DCPS: variants seen among roughly 807,000 people sequenced by gnomAD.
The protein encoded by DCPS is decapping enzyme, scavenger.
In DCPS, 27 loss-of-function variants were observed where a neutral mutation model predicts 34.7. The ratio of observed to expected loss-of-function variants is 0.78; its 90% CI spans 0.57 to 1.07. The LOEUF (loss-of-function observed/expected upper bound fraction) is 1.07, where lower values mean the gene tolerates loss of function less well. Among genes scored for constraint, DCPS ranks in the 50% least tolerant of loss-of-function variants. The pLI, the probability that DCPS is intolerant of heterozygous loss-of-function variation, is 0.00. For missense variants in DCPS, 464 were observed against 436.9 expected (o/e 1.06, Z -0.55); for synonymous variants, 185 against 185.7 (o/e 1.00, Z 0.03).
In DCPS at chr11:126,348,188, G is replaced by A. The variant is rs1951954924; in HGVS notation, c.*2575G>A. On this transcript the variant is annotated 3_prime_UTR_variant, in exon 6 of 6. Transcript: ENST00000263579. This position sits in a 1 kb window ranked among gnomAD's most constrained non-coding sequence, Gnocchi z 5.3. ...GAGGGCAGGCACTCAGGTCTGGAGAGGCAGGGCATGGAGACAGGGACCCAC... is the reference window on the plus strand; with the variant it reads ...GAGGGCAGGCACTCAGGTCTGGAGAAGCAGGGCATGGAGACAGGGACCCAC... Among the ~76,000 whole-genome samples the A allele has an allele frequency of 6.6e-6, 1 of 152,210 alleles. No homozygotes were observed. The highest frequency in any genetic ancestry group is 1.5e-5 in the Non-Finnish European group (1 of 68,046).
rs1326093772 is a variant in DCPS at position 126,338,283 on chromosome 11, C to G, written c.523-3C>G. ...TGAACCATCTCTCTCCCCCTCCTTT[C>G]AGTGGGTGTATAACATTCTCGACAA... On this transcript the variant is annotated splice_polypyrimidine_tract_variant and splice_region_variant and intron_variant, in intron 3 of 5. Transcript: ENST00000263579. The surrounding 1 kb of genome is among the most constrained non-coding windows in gnomAD (Gnocchi z 5.4). 1.2e-6 allele frequency: 2 copies of G among 1,613,794 alleles called. No homozygotes were observed. Among genetic ancestry groups the G allele is most frequent in the African/African-American group, 2.7e-5 (2 of 74,920 alleles).
chr11:126,328,036 G>C lies in DCPS; in HGVS notation c.377-3369G>C, dbSNP rs1375830278. Reference sequence around the variant, plus strand: ...CTCAGAGCAGAGGCCTGGATGAAGCGAGGAGCAGCGTGGCTCGTTGGGTAG... The same window carrying C: ...CTCAGAGCAGAGGCCTGGATGAAGCCAGGAGCAGCGTGGCTCGTTGGGTAG... On this transcript the variant is annotated intron_variant, in intron 2 of 5. Coordinates refer to ENST00000263579, the MANE Select transcript of DCPS (RefSeq NM_014026.6). The surrounding 1 kb of genome is among the most constrained non-coding windows in gnomAD (Gnocchi z 6.6). 6.6e-6 allele frequency among the ~76,000 whole-genome samples: 1 copy of C among 152,246 alleles called. No individual in the cohort carries two copies. The highest frequency in any genetic ancestry group is 1.5e-5 in the Non-Finnish European group (1 of 68,050).
In DCPS at chr11:126,323,437, G is replaced by T. The variant is rs1445865329; in HGVS notation, c.377-7968G>T. Reference sequence around the variant, plus strand: ...CTGATGCATGTATTTTTCAAAGCAGGTGTACTTTAATGGTTAAAAAAATAC... The same window carrying T: ...CTGATGCATGTATTTTTCAAAGCAGTTGTACTTTAATGGTTAAAAAAATAC... On this transcript the variant is annotated intron_variant, in intron 2 of 5. Transcript: ENST00000263579. This position sits in a 1 kb window ranked among gnomAD's most constrained non-coding sequence, Gnocchi z 4.4. 6.6e-6 allele frequency among the ~76,000 whole-genome samples: 1 copy of T among 152,090 alleles called. No homozygotes were observed. Among genetic ancestry groups the T allele is most frequent in the African/African-American group, 2.4e-5 (1 of 41,408 alleles).
In DCPS at chr11:126,328,396, G is replaced by C. The variant is rs1453202767; in HGVS notation, c.377-3009G>C. Reference sequence around the variant, plus strand: ...TAGGGGGACGTGGGGAGCTCTGAGAGTCCTGCAGTCAGGTTCCCATCCCTG... The same window carrying C: ...TAGGGGGACGTGGGGAGCTCTGAGACTCCTGCAGTCAGGTTCCCATCCCTG... On this transcript the variant is annotated intron_variant, in intron 2 of 5. Coordinates refer to ENST00000263579, the MANE Select transcript of DCPS (RefSeq NM_014026.6). This position sits in a 1 kb window ranked among gnomAD's most constrained non-coding sequence, Gnocchi z 6.6. Among the ~76,000 whole-genome samples the C allele has an allele frequency of 1.3e-5, 2 of 152,168 alleles. No individual in the cohort carries two copies. The highest frequency in any genetic ancestry group is 2.4e-5 in the African/African-American group (1 of 41,436).
intron 2 of DCPS, among the ~76,000 whole-genome samples, chr11:126,316,828 G>A (rs1450302339): frequency 6.6e-6 from 1 of 151,048 alleles, no homozygotes; most frequent in African/African-American, 2.4e-5. Context: ...CTAATTTTTT[G>A]TATTTTTAGT....
chr11:126,337,317 AGTTCACTGTCCTGCATGAGTTCAT>A lies in DCPS; in HGVS notation c.523-965_523-942del, dbSNP rs1014298354. 6.6e-6 allele frequency: 1 copy of A among 152,342 alleles called. No homozygotes were observed. Among genetic ancestry groups the A allele is most frequent in the Admixed American group, 6.5e-5 (1 of 15,282 alleles). The allele number at this position is 152,342 out of a possible 1,614,324, so 9.4% of individuals were successfully genotyped here. A position where few individuals can be genotyped will look rare whatever the true frequency, so the allele number is the denominator to read the frequency against. ...GGTCTCTCCCCCAGATGTAGGGCAG[AGTTCACTGTCCTGCATGAGTTCAT>A]GTTTGCAAAGGGCCCTGAGAGCCGG... is the stretch of plus-strand genomic sequence containing the variant. On this transcript the variant is annotated intron_variant, in intron 3 of 5. Transcript: ENST00000263579. This position sits in a 1 kb window ranked among gnomAD's most constrained non-coding sequence, Gnocchi z 5.3.
rs142869316 is a variant in DCPS, at chr11:126,343,366, C to T, written c.696C>T (p.Asp232=). The change falls in exon 5 of 6, where the codon GAC becomes GAT. Residue 232 remains aspartate (D), a synonymous_variant. Transcript: ENST00000263579. ...CHRRGIRSLR[D]LTPEHLPLLR... ...GCCGGGGCATCAGATCCCTACGCGA[C>T]CTTACTCCGGAGCACTTGCCGCTGC... is the stretch of plus-strand genomic sequence containing the variant. The T allele has an allele frequency of 6.2e-7, 1 of 1,614,034 alleles. No individual in the cohort carries two copies. The highest frequency in any genetic ancestry group is 8.5e-7 in the Non-Finnish European group (1 of 1,179,976).
In DCPS at chr11:126,348,935, G is replaced by A. The variant is rs1374499514; in HGVS notation, c.*3322G>A. On this transcript the variant is annotated 3_prime_UTR_variant, in exon 6 of 6. Transcript: ENST00000263579. This position sits in a 1 kb window ranked among gnomAD's most constrained non-coding sequence, Gnocchi z 5.3. ...TCTTGTCCAGCATTATGGAGTGAACGTCAGCTCCAGGAAGCAGAGACTTCT... is the reference window on the plus strand; with the variant it reads ...TCTTGTCCAGCATTATGGAGTGAACATCAGCTCCAGGAAGCAGAGACTTCT... 2.6e-5 allele frequency among the ~76,000 whole-genome samples: 4 copies of A among 152,184 alleles called. No homozygotes were observed. The highest frequency in any genetic ancestry group is 4.4e-5 in the Non-Finnish European group (3 of 68,028).
chr11:126,330,885 C>T (rs1484364457), intron 2 of DCPS, among the ~76,000 whole-genome samples: 5 of 151,076 alleles, frequency 3.3e-5, no homozygotes, highest in Admixed American at 6.6e-5. Flanking sequence ...TACAGGCATG[C>T]GCCACCACGC....
chr11:126,307,535 C>T (rs71475951), intron 2 of DCPS, among the ~76,000 whole-genome samples: 16,836 of 151,772 alleles, frequency 0.11, 1,217 homozygotes, highest in Non-Finnish European at 0.16. Context: ...CTCAGCCTCC[C>T]GAGCAGCTGG....
At position 126,345,573 on chromosome 11, in the gene DCPS, A is replaced by G; in HGVS notation, c.974A>G (p.Asp325Gly). 6.2e-7 allele frequency: 1 copy of G among 1,613,514 alleles called. No homozygotes were observed. The highest frequency in any genetic ancestry group is 8.5e-7 in the Non-Finnish European group (1 of 1,179,954). ...CTCACCTTCGCCCTCAGGGCTGACGACCCCCTGCTCAAGCTCTTGCAGGAG... is the reference window on the plus strand; with the variant it reads ...CTCACCTTCGCCCTCAGGGCTGACGGCCCCCTGCTCAAGCTCTTGCAGGAG... Reference protein sequence around the residue: ...RTLTFALRADDPLLKLLQEAQ... With the variant: ...RTLTFALRADGPLLKLLQEAQ... Residue 325 changes from aspartate to glycine, a missense_variant, in exon 6 of 6, where the codon GAC (aspartate) becomes GGC (glycine). Asp to Gly is a moderately conservative substitution (Grantham distance 94). Transcript: ENST00000263579. The surrounding 1 kb of genome is among the most constrained non-coding windows in gnomAD (Gnocchi z 7.4).
At position 126,306,648 on chromosome 11, in the gene DCPS, G is replaced by A. The variant is rs1201991727; in HGVS notation, c.280G>A (p.Val94Met). 10 of 1,614,006 alleles carry A rather than the reference G, an allele frequency of 6.2e-6. No homozygotes were observed. The highest frequency in any genetic ancestry group is 8.5e-6 in the Non-Finnish European group (10 of 1,179,940). ...GAAGACGCCATTTCAGGTGGAACAG[G>A]TGGCTCAGCTCCTGACGGGCAGCCC... Reference protein sequence around the residue: ...LEKTPFQVEQVAQLLTGSPEL... With the variant: ...LEKTPFQVEQMAQLLTGSPEL... The change falls in exon 2 of 6, where the codon GTG becomes ATG. Residue 94 changes from valine (V) to methionine (M), a missense_variant. Physicochemically the swap from Val to Met is conservative, Grantham distance 21. Coordinates refer to ENST00000263579, the MANE Select transcript of DCPS (RefSeq NM_014026.6).
chr11:126,317,117 C>T (rs984767343), intron 2 of DCPS, among the ~76,000 whole-genome samples: 3 of 151,986 alleles, frequency 2.0e-5, no homozygotes, highest in Non-Finnish European at 4.4e-5. Context: ...TGCCACCACG[C>T]CCAGTTAATT....
chr11:126,347,334 C>T lies in DCPS; in HGVS notation c.*1721C>T, dbSNP rs1473197064. ...TGCCTCCTGGGTTCAAGTGATTCTCCTGCCTCAGCCTCCTGAGTAGCTGGG... is the reference window on the plus strand; with the variant it reads ...TGCCTCCTGGGTTCAAGTGATTCTCTTGCCTCAGCCTCCTGAGTAGCTGGG... On this transcript the variant is annotated 3_prime_UTR_variant, in exon 6 of 6. Coordinates refer to ENST00000263579, the MANE Select transcript of DCPS (RefSeq NM_014026.6). The surrounding 1 kb of genome is among the most constrained non-coding windows in gnomAD (Gnocchi z 4.2). 6.6e-6 allele frequency among the ~76,000 whole-genome samples: 1 copy of T among 151,560 alleles called. No homozygotes were observed. Among genetic ancestry groups the T allele is most frequent in the Non-Finnish European group, 1.5e-5 (1 of 67,960 alleles).
At position 126,337,741 on chromosome 11, in the gene DCPS, A is replaced by T. The variant is rs1951842653; in HGVS notation, c.523-545A>T. ...GGTGCTGAGCCCACTGCTGATGAGA[A>T]TCCCAGTGCGGCGGGAAACGTGCAC... On this transcript the variant is annotated intron_variant, in intron 3 of 5. Coordinates refer to ENST00000263579, the MANE Select transcript of DCPS (RefSeq NM_014026.6). The surrounding 1 kb of genome is among the most constrained non-coding windows in gnomAD (Gnocchi z 5.3). 1 of 154,446 alleles carries T rather than the reference A, an allele frequency of 6.5e-6. No individual in the cohort carries two copies. Among genetic ancestry groups the T allele is most frequent in the Non-Finnish European group, 1.4e-5 (1 of 69,438 alleles). The allele number at this position is 154,446 out of a possible 1,614,324, so 9.6% of individuals were successfully genotyped here.
Position 126,349,909 on chromosome 11 carries a change from T to C in DCPS, c.*4296T>C, listed in dbSNP as rs1951975856. On this transcript the variant is annotated 3_prime_UTR_variant, in exon 6 of 6. Transcript: ENST00000263579. The surrounding 1 kb of genome is among the most constrained non-coding windows in gnomAD (Gnocchi z 5.4). ...TCCATGTCAACTTGAAGTTACCAAG[T>C]TTTAACCACTGTTAGAAAATAAGCA... 6.6e-6 allele frequency among the ~76,000 whole-genome samples: 1 copy of C among 152,246 alleles called. No homozygotes were observed. The highest frequency in any genetic ancestry group is 1.5e-5 in the Non-Finnish European group (1 of 68,042).
At position 126,344,826 on chromosome 11, in the gene DCPS, T is replaced by G. The variant is rs1268542744; in HGVS notation, c.748-521T>G. Among the ~76,000 whole-genome samples the G allele has an allele frequency of 6.6e-6, 1 of 152,122 alleles. No individual in the cohort carries two copies. Among genetic ancestry groups the G allele is most frequent in the South Asian group, 2.1e-4 (1 of 4,828 alleles). ...GTCTGTGTGGGAGCAGCCCCTCCCA[T>G]ACCCCTTCCACAGTCCCTGCTCTTT... On this transcript the variant is annotated intron_variant, in intron 5 of 5. Transcript: ENST00000263579. The surrounding 1 kb of genome is among the most constrained non-coding windows in gnomAD (Gnocchi z 8.1).
rs1203849141 is a variant in DCPS, at chr11:126,347,333, C to T, written c.*1720C>T. On this transcript the variant is annotated 3_prime_UTR_variant, in exon 6 of 6. Transcript: ENST00000263579. The surrounding 1 kb of genome is among the most constrained non-coding windows in gnomAD (Gnocchi z 4.2). ...CTGCCTCCTGGGTTCAAGTGATTCT[C>T]CTGCCTCAGCCTCCTGAGTAGCTGG... Among the ~76,000 whole-genome samples, 2 of 151,228 alleles carry T rather than the reference C, an allele frequency of 1.3e-5. No individual in the cohort carries two copies. Among genetic ancestry groups the T allele is most frequent in the Non-Finnish European group, 2.9e-5 (2 of 67,934 alleles).
rs1358651330 is a variant in DCPS at position 126,312,770 on chromosome 11, A to G, written c.376+6026A>G. On this transcript the variant is annotated intron_variant, in intron 2 of 5. Coordinates refer to ENST00000263579, the MANE Select transcript of DCPS (RefSeq NM_014026.6). This position sits in a 1 kb window ranked among gnomAD's most constrained non-coding sequence, Gnocchi z 5.1. ...GTAGCTGTCATATGGTCTGTATCCA[A>G]TAAGTGTAATTATGGTGTTGCCTCT... 1.3e-5 allele frequency among the ~76,000 whole-genome samples: 2 copies of G among 152,220 alleles called. No homozygotes were observed. Among genetic ancestry groups the G allele is most frequent in the African/African-American group, 2.4e-5 (1 of 41,464 alleles).
Sources: gnomAD v4.1 joint callset for allele counts (sites outside exome capture counted in the v4.1 genomes callset) on GRCh38, gnomAD v4.1.1 for gene constraint, Gnocchi (gnomAD v3.1) non-coding constraint, MANE v1.5 for transcripts, NCBI Gene and HGNC (gene_info 2026-07-23, HGNC 2026-07-21) for gene names.